The following MTA1 variants were observed in gnomAD, a reference collection of about 807,000 sequenced individuals.
MTA1 encodes metastasis associated 1, also known as metastasis-associated protein MTA1.
MTA1 carries 15 observed loss-of-function variants against 97.0 expected under a neutral mutation model. The ratio of observed to expected loss-of-function variants is 0.15; its 90% confidence interval spans 0.10 to 0.24. The LOEUF is 0.24. Ranked by LOEUF, MTA1 falls within the 10% of genes least tolerant of loss-of-function variation. MTA1 has a pLI of 1.00. For synonymous variants in MTA1, 435 were observed against 417.5 expected (o/e 1.04, Z -0.51); for missense variants, 709 against 1,015.1 (o/e 0.70, Z 4.10).
Position 105,420,130 on chromosome 14 carries a change from C to A in MTA1, c.28+67C>A. ...CAGCCCCCACCCGCCGCCGCTGCCG[C>A]CTCCCCCGCCCCTCTGCCCCGCAGG... On this transcript the variant is annotated intron_variant, in intron 1 of 20. Transcript: ENST00000331320. This position sits in a 1 kb window ranked among gnomAD's most constrained non-coding sequence, Gnocchi z 5.3. The A allele has an allele frequency of 1.2e-6, 1 of 816,632 alleles. No individual in the cohort carries two copies. The highest frequency in any genetic ancestry group is 1.5e-6 in the Non-Finnish European group (1 of 672,010). The allele number at this position is 816,632 out of a possible 1,614,324, so 50.6% of individuals were successfully genotyped here.
intron 1 of MTA1, among the ~76,000 whole-genome samples, chr14:105,430,939 G>A (rs1211918538): frequency 5.3e-5 from 8 of 152,182 alleles, no homozygotes; most frequent in African/African-American, 7.2e-5. Flanking sequence ...TTGAGCTACC[G>A]TGGTGGGGTT....
intron 3 of MTA1, among the ~76,000 whole-genome samples, chr14:105,446,653 C>A (rs1442953726): frequency 2.0e-5 from 3 of 152,262 alleles, no homozygotes; most frequent in Admixed American, 1.3e-4. Context: ...TCGGCCAGGG[C>A]AGGCGCTTGT....
Position 105,469,993 on chromosome 14 carries a change from G to A in MTA1, c.1997+1G>A. 6.2e-7 allele frequency: 1 copy of A among 1,612,484 alleles called. No individual in the cohort carries two copies. Among genetic ancestry groups the A allele is most frequent in the Non-Finnish European group, 8.5e-7 (1 of 1,179,812 alleles). ...TCTACATGGCCACAGAGGAGACCAG[G>A]TGGGGCCTTCCCAGGGCAGGCGGGA... On this transcript the variant is annotated splice_donor_variant, in intron 20 of 20. Transcript: ENST00000331320. LOFTEE classifies it high-confidence loss of function.
intron 1 of MTA1, among the ~76,000 whole-genome samples, chr14:105,433,488 G>A (rs1427869377): frequency 1.3e-5 from 2 of 152,148 alleles, no homozygotes; most frequent in African/African-American, 2.4e-5. Context: ...CAAGAGCTCC[G>A]AGGTGACCTC....
intron 1 of MTA1, among the ~76,000 whole-genome samples, chr14:105,423,447 C>T (rs1555421474): frequency 6.6e-6 from 1 of 152,098 alleles, no homozygotes; most frequent in African/African-American, 2.4e-5. Context: ...GAACTCCTGA[C>T]CTCAAGTGAT....
At chr14:105,468,796 G>A (rs1172956396) in intron 18 of MTA1, among the ~76,000 whole-genome samples, 1 of 152,238 alleles carries the variant, frequency 6.6e-6, no homozygotes, top group Non-Finnish European at 1.5e-5. Context: ...ACAGGGCAGT[G>A]GGGAAGGGCA....
At chr14:105,448,872 G>A (rs587733657) in intron 3 of MTA1, among the ~76,000 whole-genome samples, 2 of 152,378 alleles carry the variant, frequency 1.3e-5, no homozygotes, top group East Asian at 3.9e-4. Context: ...TCAGAGAGCC[G>A]GCAGGGCGCT....
chr14:105,445,419 C>T lies in MTA1; in HGVS notation c.98C>T (p.Thr33Met), dbSNP rs782753779. The T allele has an allele frequency of 1.9e-6, 3 of 1,613,498 alleles. No homozygotes were observed. Among genetic ancestry groups the T allele is most frequent in the African/African-American group, 1.3e-5 (1 of 75,048 alleles). The stretch of plus-strand genomic sequence containing the variant: ...GACGCCCCTGCCTTGCTGTTACAGA[C>T]GGCCAATGGGAACGTGGAGGCCAAA... ...LIRRIEELNK[T>M]ANGNVEAKVV... Residue 33 changes from threonine (T) to methionine (M), a missense_variant and splice_region_variant, in exon 3 of 21, where the codon ACG becomes ATG. Thr to Met is a moderately conservative substitution (Grantham distance 81, BLOSUM62 -1). This residue lies in a region of MTA1 where 321 missense variants were observed against 593.5 expected (regional missense o/e 0.54). Transcript: ENST00000331320.
chr14:105,421,805 A>G (rs2081845521), intron 1 of MTA1, among the ~76,000 whole-genome samples: 1 of 152,156 alleles, frequency 6.6e-6, no homozygotes, highest in Non-Finnish European at 1.5e-5. Context: ...GGCCCCACAC[A>G]GGCTTGGGAG....
intron 14 of MTA1, 49 bp from the exon 15 acceptor site, chr14:105,464,625 G>A (rs369943122): frequency 2.2e-4 from 356 of 1,608,950 alleles, no homozygotes; most frequent in Non-Finnish European, 2.9e-4. Flanking sequence ...GCGGGTCCTC[G>A]GCCCCCGGTC....
chr14:105,467,066 G>T, intron 18 of MTA1: 1 of 490,016 alleles, frequency 2.0e-6, no homozygotes, highest in East Asian at 3.9e-5. Context: ...TCAGCTCGTG[G>T]GGCCGCCCGT....
At chr14:105,464,332 G>T in intron 13 of MTA1, 84 bp from the exon 14 acceptor site, 1 of 1,556,196 alleles carries the variant, frequency 6.4e-7, no homozygotes, top group Non-Finnish European at 8.8e-7. Context: ...GGGTGGGGGC[G>T]GCCGGCGTGG....
rs1555432397 is a variant in MTA1 at position 105,465,159 on chromosome 14, C to T, written c.1600C>T (p.Leu534=). The T allele has an allele frequency of 6.6e-7, 1 of 1,522,458 alleles. No individual in the cohort carries two copies. The highest frequency in any genetic ancestry group is 8.9e-7 in the Non-Finnish European group (1 of 1,128,818). 94.3% of individuals were successfully genotyped at this position (1,522,458 alleles called of 1,614,324 possible). Residue 534 remains leucine, a synonymous_variant, in exon 16 of 21, where the codon CTG becomes TTG. Coordinates refer to ENST00000331320, the MANE Select transcript of MTA1 (RefSeq NM_004689.4). ...GCTGAAGCAGGCGGTACGCAAGCCG[C>T]TGGAAGCCGTGCTTCGGTATCTTGG... ...LVLKQAVRKP[L]EAVLRYLETH...
Position 105,450,189 on chromosome 14 carries a change from C to A in MTA1, c.368+5C>A. 1 of 1,612,760 alleles carries A rather than the reference C, an allele frequency of 6.2e-7. No homozygotes were observed. ...TCTGCCCGCCACGCACATCAGGTAG[C>A]CCCCAGCAGCTCCCGCCCTGGGCCC... On this transcript the variant is annotated splice_donor_5th_base_variant and intron_variant, in intron 5 of 20. Transcript: ENST00000331320.
chr14:105,440,725 A>G (rs1386384523), intron 2 of MTA1, among the ~76,000 whole-genome samples: 1 of 152,138 alleles, frequency 6.6e-6, no homozygotes, highest in African/African-American at 2.4e-5. Flanking sequence ...GGGCACGACT[A>G]CTCTCTTGGA....
rs1302828168 is a variant in MTA1, at chr14:105,420,041, C to G, written c.6C>G (p.Ala2=). 6 of 1,091,964 alleles carry G rather than the reference C, an allele frequency of 5.5e-6. No homozygotes were observed. The South Asian group carries it at 1.3e-4, about 24-fold the overall frequency. 67.6% of individuals were successfully genotyped at this position (1,091,964 alleles called of 1,614,324 possible). A position where few individuals can be genotyped will look rare whatever the true frequency, so the allele number is the denominator to read the frequency against. Residue 2 remains alanine, a synonymous_variant, in exon 1 of 21, where the codon GCC becomes GCG. Transcript: ENST00000331320. This position sits in a 1 kb window ranked among gnomAD's most constrained non-coding sequence, Gnocchi z 5.3. ...CCGCCGCCGCCGGCCCGGACATGGC[C>G]GCCAACATGTACAGGGTCGGAGGTA... M[A]ANMYRVGDYV...
chr14:105,435,369 C>G (rs1595296612), intron 1 of MTA1, among the ~76,000 whole-genome samples: 1 of 152,160 alleles, frequency 6.6e-6, no homozygotes, highest in African/African-American at 2.4e-5. Flanking sequence ...CACTGCAGCC[C>G]CAAACTCCTG....
rs2083059062 is a variant in MTA1 at position 105,454,317 on chromosome 14, T to A, written c.550+7T>A. On this transcript the variant is annotated splice_region_variant and intron_variant, in intron 7 of 20. Transcript: ENST00000331320. ...ACCGACTTGTTAAAAGAAGGTAGGGTGGGCCGCCCTGGGCATGGAGCCCTC... is the reference window on the plus strand; with the variant it reads ...ACCGACTTGTTAAAAGAAGGTAGGGAGGGCCGCCCTGGGCATGGAGCCCTC... The A allele has an allele frequency of 1.3e-6, 2 of 1,593,502 alleles. No individual in the cohort carries two copies. Among genetic ancestry groups the A allele is most frequent in the African/African-American group, 2.7e-5 (2 of 74,504 alleles).
At chr14:105,429,342 G>T (rs587607006) in intron 1 of MTA1, among the ~76,000 whole-genome samples, 1 of 152,182 alleles carries the variant, frequency 6.6e-6, no homozygotes, top group Non-Finnish European at 1.5e-5. Context: ...CTGGAGTGCG[G>T]TGGCACGATC....
Sources: allele counts gnomAD v4.1 joint callset (sites outside exome capture counted in the v4.1 genomes callset), GRCh38; gene constraint gnomAD v4.1.1; regional missense constraint gnomAD v4.1.1; non-coding constraint Gnocchi (gnomAD v3.1); transcripts MANE v1.5; gene names NCBI Gene and HGNC (gene_info 2026-07-23, HGNC 2026-07-21).